Variants in EYS observed in about 807,000 individuals in gnomAD.
EYS encodes EGF-like photoreceptor maintenance factor.
Under a neutral mutation model 282.1 loss-of-function variants are expected in EYS, and 250 were observed. That is an observed-to-expected ratio of 0.89 (90% CI 0.80 to 0.98). The LOEUF (loss-of-function observed/expected upper bound fraction) is 0.98, where lower values mean the gene tolerates loss of function less well. EYS is among the 50% of genes least tolerant of loss of function. EYS has a pLI of 0.00. For missense variants in EYS, 4,016 were observed against 3,709.0 expected, an observed-to-expected ratio of 1.08 and a Z score of -2.15; for synonymous variants, 1,355 against 1,282.9, an observed-to-expected ratio of 1.06 and a Z score of -1.20.
At chr6:64,150,860 G>T (rs1774679583) in intron 31 of EYS, among the ~76,000 whole-genome samples, 1 of 152,078 alleles carries the variant, frequency 6.6e-6, no homozygotes, top group Non-Finnish European at 1.5e-5. Context: ...AAATCTATCA[G>T]ATTGGCACAG....
rs373763360 is a variant in EYS at position 64,388,391 on chromosome 6, A to G, written c.6078+299T>C. 2.1e-4 allele frequency among the ~76,000 whole-genome samples: 32 copies of G among 152,304 alleles called. No homozygotes were observed. The East Asian group carries it at 4.6e-3, about 22-fold the overall frequency. On this transcript the variant is annotated intron_variant, in intron 29 of 42. Coordinates refer to ENST00000503581, the MANE Select transcript of EYS (RefSeq NM_001142800.2). ...CCAGTGAAAATCACTATCTTAGTGG[A>G]CAAATCACACATGCTAAATAGTATT...
At chr6:65,347,090 G>A (rs897185963) in intron 9 of EYS, among the ~76,000 whole-genome samples, 4 of 151,852 alleles carry the variant, frequency 2.6e-5, no homozygotes, top group South Asian at 2.1e-4. Context: ...TAATATTGAC[G>A]GATATTGCAA....
intron 22 of EYS, among the ~76,000 whole-genome samples, chr6:64,693,368 G>A (rs999357471): frequency 3.3e-5 from 5 of 151,938 alleles, no homozygotes; most frequent in African/African-American, 9.7e-5. Flanking sequence ...AATGTTAGAG[G>A]ATACACATTT....
chr6:65,349,361 A>C (rs1770516459), intron 9 of EYS, among the ~76,000 whole-genome samples: 1 of 151,520 alleles, frequency 6.6e-6, no homozygotes, highest in Admixed American at 6.6e-5. Context: ...AACATTAAGA[A>C]ATAAGATGTC....
At chr6:64,539,031 A>T (rs1764614991) in intron 26 of EYS, among the ~76,000 whole-genome samples, 1 of 152,176 alleles carries the variant, frequency 6.6e-6, no homozygotes, top group Admixed American at 6.5e-5. Context: ...ACTGTCATAT[A>T]AATGTGGAAT....
At chr6:64,773,758 G>T (rs909075892) in intron 22 of EYS, among the ~76,000 whole-genome samples, 1 of 151,854 alleles carries the variant, frequency 6.6e-6, no homozygotes, top group African/African-American at 2.4e-5. Flanking sequence ...ATGTATGTTG[G>T]CCATCTGTAT....
At chr6:64,936,198 T>C (rs1432309034) in intron 15 of EYS, among the ~76,000 whole-genome samples, 1 of 151,460 alleles carries the variant, frequency 6.6e-6, no homozygotes, top group Non-Finnish European at 1.5e-5. Context: ...ATTACACATA[T>C]AAACAGCTTC....
At chr6:64,494,601 AC>A in intron 26 of EYS, among the ~76,000 whole-genome samples, 1 of 151,674 alleles carries the variant, frequency 6.6e-6, no homozygotes, top group Non-Finnish European at 1.5e-5. Context: ...AAATGCACAC[AC>A]CTGTCTCGGA....
At chr6:64,881,850 C>G (rs2209031) in intron 19 of EYS, among the ~76,000 whole-genome samples, 4 of 151,488 alleles carry the variant, frequency 2.6e-5, no homozygotes, top group Admixed American at 2.6e-4. Context: ...GCCATTTAAG[C>G]TGATTTAAGG....
At chr6:63,899,595 T>G (rs1269081033) in intron 35 of EYS, among the ~76,000 whole-genome samples, 1 of 152,224 alleles carries the variant, frequency 6.6e-6, no homozygotes, top group Admixed American at 6.5e-5. Context: ...ACTATGTCCC[T>G]TCTTCAAAGG....
intron 28 of EYS, among the ~76,000 whole-genome samples, chr6:64,408,546 A>G (rs1773794143): frequency 6.6e-6 from 1 of 152,200 alleles, no homozygotes; most frequent in African/African-American, 2.4e-5. Flanking sequence ...GTACAGGGAT[A>G]GTATAAATCC....
intron 2 of EYS, among the ~76,000 whole-genome samples, chr6:65,553,956 G>GAAATTCC (rs1221590798): frequency 2.0e-5 from 3 of 152,142 alleles, no homozygotes; most frequent in African/African-American, 7.2e-5. Flanking sequence ...TTCACAAGAT[G>GAAATTCC]AAATTCCAAC....
chr6:63,942,716 TA>T (rs1397541030), intron 35 of EYS, among the ~76,000 whole-genome samples: 2 of 151,884 alleles, frequency 1.3e-5, no homozygotes, highest in Admixed American at 6.6e-5. Flanking sequence ...TTTAGAGAAA[TA>T]AAAAAAACAT....
chr6:64,901,989 G>C (rs1471835617), intron 18 of EYS, 124 bp downstream of exon 18: 3 of 636,108 alleles, frequency 4.7e-6, no homozygotes, highest in Non-Finnish European at 5.4e-6. Context: ...AGGATGTGCT[G>C]GTACAAGCAC....
chr6:63,864,098 A>C, intron 36 of EYS, 88 bp downstream of exon 36: 1 of 1,227,466 alleles, frequency 8.1e-7, no homozygotes, highest in Non-Finnish European at 1.1e-6. Context: ...TTGATCAGTC[A>C]AGTGCTATCC....
chr6:65,344,008 A>G (rs1210716910), intron 10 of EYS, 30 bp downstream of exon 10: 1 of 1,594,062 alleles, frequency 6.3e-7, no homozygotes, highest in East Asian at 2.2e-5. Context: ...AAAGAGAAAA[A>G]TGAAAAGCAA....
In EYS at chr6:65,041,219, GTCC is replaced by G. The variant is rs1772924831; in HGVS notation, c.2137+16392_2137+16394del. Among the ~76,000 whole-genome samples, 2 of 151,680 alleles carry G rather than the reference GTCC, an allele frequency of 1.3e-5. 1 individual carries two copies. Among genetic ancestry groups the G allele is most frequent in the South Asian group, 4.1e-4 (2 of 4,832 alleles). ...GAAGAAAGGTATATAGCACAGATCAGTCCATAGTACTTCTGTGACCCTTCCTCT... is the reference window on the plus strand; with the variant it reads ...GAAGAAAGGTATATAGCACAGATCAGATAGTACTTCTGTGACCCTTCCTCT... On this transcript the variant is annotated intron_variant, in intron 13 of 42. Coordinates refer to ENST00000503581, the MANE Select transcript of EYS (RefSeq NM_001142800.2).
intron 36 of EYS, among the ~76,000 whole-genome samples, chr6:63,830,439 C>A (rs898242547): frequency 1.3e-5 from 2 of 151,982 alleles, no homozygotes; most frequent in Non-Finnish European, 2.9e-5. Flanking sequence ...GCCTCAGTAG[C>A]CAATTTGATC....
Position 64,576,907 on chromosome 6 carries a change from AAT to A in EYS, c.5644+13314_5644+13315del, listed in dbSNP as rs1765898733. On this transcript the variant is annotated intron_variant, in intron 26 of 42. Coordinates refer to ENST00000503581, the MANE Select transcript of EYS (RefSeq NM_001142800.2). ...AACTCAGAATGTGATGTTATTTATA[AAT>A]AGAGTTATTAGAGATGTAATTAGTT... is the stretch of plus-strand genomic sequence containing the variant. Among the ~76,000 whole-genome samples, 3 of 152,234 alleles carry A rather than the reference AAT, an allele frequency of 2.0e-5. No homozygotes were observed. The South Asian group carries it at 6.2e-4, about 31-fold the overall frequency.
Sources: gnomAD v4.1 joint callset for allele counts (sites outside exome capture counted in the v4.1 genomes callset) on GRCh38, gnomAD v4.1.1 for gene constraint, MANE v1.5 for transcripts, NCBI Gene and HGNC (gene_info 2026-07-23, HGNC 2026-07-21) for gene names.